The following UBE4B variants were observed in gnomAD, a reference collection of about 807,000 sequenced individuals.
UBE4B encodes the protein ubiquitin conjugation factor E4 B.
Under a neutral mutation model 148.1 loss-of-function variants are expected in UBE4B, and 27 were observed. The observed-to-expected ratio is 0.18, with a 90% CI of 0.13 to 0.25. The LOEUF is 0.25. Ranked by LOEUF, UBE4B falls within the 10% of genes least tolerant of loss-of-function variation. The pLI is 1.00. For missense variants in UBE4B, 1,170 were observed against 1,662.4 expected, an observed-to-expected ratio of 0.70 and a Z score of 5.15; for synonymous variants, 596 against 619.3, an observed-to-expected ratio of 0.96 and a Z score of 0.56.
intron 1 of UBE4B, among the ~76,000 whole-genome samples, chr1:10,050,532 A>G (rs141133286): frequency 7.6e-4 from 116 of 152,300 alleles, no homozygotes; most frequent in African/African-American, 2.3e-3. Flanking sequence ...CCTAACATTA[A>G]CCACACTGCA....
rs925922358 is a variant in UBE4B at position 10,168,750 on chromosome 1, G to A, written c.3333+480G>A. ...TACTAAAAGTACAAAAAATTAGCTG[G>A]GCGTGGTGGTGGGCACCTGTAGTCC... is the stretch of plus-strand genomic sequence containing the variant. On this transcript the variant is annotated intron_variant, in intron 24 of 27. Transcript: ENST00000343090. This position sits in a 1 kb window ranked among gnomAD's most constrained non-coding sequence, Gnocchi z 4.9. 6.6e-6 allele frequency among the ~76,000 whole-genome samples: 1 copy of A among 152,088 alleles called. No homozygotes were observed. The highest frequency in any genetic ancestry group is 2.4e-5 in the African/African-American group (1 of 41,422).
intron 1 of UBE4B, among the ~76,000 whole-genome samples, chr1:10,065,340 G>A (rs566772927): frequency 5.1e-4 from 78 of 152,228 alleles, no homozygotes; most frequent in South Asian, 1.7e-3. Flanking sequence ...GGCAAGTGGC[G>A]GGAGGAGCAT....
rs6697968 is a variant in UBE4B at position 10,079,457 on chromosome 1, A to G, written c.211+7243A>G. Among the ~76,000 whole-genome samples the G allele has an allele frequency of 5.3e-3, 812 of 152,226 alleles. 10 individuals are homozygous for G. Among genetic ancestry groups the G allele is most frequent in the African/African-American group, 0.018 (757 of 41,536 alleles). ...TTACAGGTGTGAGCCACCGCACCCG[A>G]CCTCAAAATTTACTTTTAAATGTGT... is the stretch of plus-strand genomic sequence containing the variant. On this transcript the variant is annotated intron_variant, in intron 2 of 27. Coordinates refer to ENST00000343090, the MANE Select transcript of UBE4B (RefSeq NM_001105562.3).
chr1:10,034,781 A>G (rs1342053332), intron 1 of UBE4B, among the ~76,000 whole-genome samples: 2 of 152,346 alleles, frequency 1.3e-5, no homozygotes, highest in East Asian at 1.9e-4. Flanking sequence ...TAGGACACGC[A>G]GTGGTGTGTT....
intron 14 of UBE4B, 141 bp downstream of exon 14, chr1:10,130,954 A>G (rs1000552578): frequency 3.1e-5 from 21 of 688,428 alleles, no homozygotes; most frequent in African/African-American, 2.3e-4. Context: ...AAGATAAACT[A>G]TAAGTAAGTA....
At chr1:10,103,802 A>C (rs1468359942) in intron 5 of UBE4B, among the ~76,000 whole-genome samples, 1 of 151,724 alleles carries the variant, frequency 6.6e-6, no homozygotes, top group African/African-American at 2.4e-5. Flanking sequence ...TAATTCTTGT[A>C]TTTTTAGTAG....
At chr1:10,083,711 A>C (rs2101852484) in intron 2 of UBE4B, among the ~76,000 whole-genome samples, 1 of 152,266 alleles carries the variant, frequency 6.6e-6, no homozygotes, top group South Asian at 2.1e-4. Context: ...TGAGTTCAGG[A>C]GGCTCCTAGA....
At chr1:10,140,839 T>G (rs1645771887) in intron 17 of UBE4B, among the ~76,000 whole-genome samples, 1 of 152,232 alleles carries the variant, frequency 6.6e-6, no homozygotes, top group Non-Finnish European at 1.5e-5. Flanking sequence ...CACCTTAATT[T>G]TCCAAGCTCT....
In UBE4B at chr1:10,158,495, C is replaced by T; in HGVS notation, c.3053+13C>T. Reference sequence around the variant, plus strand: ...TGGAGGAGTTCAAGTGAGTATGGGGCCCCTCGTGTCACAACTTGCTTTCTT... The same window carrying T: ...TGGAGGAGTTCAAGTGAGTATGGGGTCCCTCGTGTCACAACTTGCTTTCTT... On this transcript the variant is annotated intron_variant, in intron 22 of 27. Transcript: ENST00000343090. 1 of 1,609,118 alleles carries T rather than the reference C, an allele frequency of 6.2e-7. No individual in the cohort carries two copies. Among genetic ancestry groups the T allele is most frequent in the Non-Finnish European group, 8.5e-7 (1 of 1,177,566 alleles).
At chr1:10,069,280 G>T (rs1051285976) in intron 1 of UBE4B, among the ~76,000 whole-genome samples, 4 of 152,164 alleles carry the variant, frequency 2.6e-5, no homozygotes, top group Non-Finnish European at 5.9e-5. Context: ...TTTATGTTCA[G>T]TGCATTTTTC....
Position 10,106,387 on chromosome 1 carries a change from AC to A in UBE4B, c.1001del (p.Thr334MetfsTer61). ...QPSSPRYRPY[T>X]VTHPWASSGV... ...TTCATCCCCGCGGTATCGCCCCTACACTGTCACTCACCCATGGGCGTCCTCA... is the reference window on the plus strand; with the variant it reads ...TTCATCCCCGCGGTATCGCCCCTACATGTCACTCACCCATGGGCGTCCTCA... On this transcript the variant is annotated frameshift_variant, in exon 7 of 28. Coordinates refer to ENST00000343090, the MANE Select transcript of UBE4B (RefSeq NM_001105562.3). LOFTEE classifies it high-confidence loss of function. The surrounding 1 kb of genome is among the most constrained non-coding windows in gnomAD (Gnocchi z 4.2). 1 of 1,613,346 alleles carries A rather than the reference AC, an allele frequency of 6.2e-7. No individual in the cohort carries two copies. Among genetic ancestry groups the A allele is most frequent in the Non-Finnish European group, 8.5e-7 (1 of 1,179,566 alleles).
chr1:10,142,712 G>T (rs1003226771), intron 17 of UBE4B, among the ~76,000 whole-genome samples: 2 of 151,920 alleles, frequency 1.3e-5, no homozygotes, highest in African/African-American at 4.8e-5. Flanking sequence ...AGGCTCTAGG[G>T]GAGAATCTCC....
At chr1:10,109,920 A>G (rs1645191060) in intron 7 of UBE4B, among the ~76,000 whole-genome samples, 1 of 152,020 alleles carries the variant, frequency 6.6e-6, no homozygotes, top group African/African-American at 2.4e-5. Context: ...CAGAGTCTCA[A>G]ACTTCTGACC....
chr1:10,133,846 T>TTGTAGTGAG (rs1645634826), intron 15 of UBE4B, among the ~76,000 whole-genome samples: 1 of 150,866 alleles, frequency 6.6e-6, no homozygotes, highest in Non-Finnish European at 1.5e-5. Context: ...GCCAGGGAGG[T>TTGTAGTGAG]CGAGACCAGC....
intron 21 of UBE4B, among the ~76,000 whole-genome samples, chr1:10,151,925 A>G (rs1487626329): frequency 6.6e-6 from 1 of 152,074 alleles, no homozygotes; most frequent in African/African-American, 2.4e-5. Flanking sequence ...CCTATAACCC[A>G]CTTTCCAAAG....
intron 2 of UBE4B, chr1:10,072,690 T>A: frequency 2.0e-6 from 1 of 512,168 alleles, no homozygotes; most frequent in Non-Finnish European, 3.4e-6. Context: ...AACTATCTCA[T>A]TAAAAAGTAA....
intron 7 of UBE4B, among the ~76,000 whole-genome samples, chr1:10,111,947 ACT>A (rs1258514147): frequency 2.7e-5 from 4 of 150,192 alleles, no homozygotes; most frequent in Non-Finnish European, 5.9e-5. Flanking sequence ...ACACAGCAAG[ACT>A]CTGTCTCAAA....
chr1:10,175,061 A>C (rs1242183994), intron 25 of UBE4B, among the ~76,000 whole-genome samples: 1 of 152,172 alleles, frequency 6.6e-6, no homozygotes, highest in African/African-American at 2.4e-5. Flanking sequence ...CCTCTATACC[A>C]AGAGTAGGCT....
rs552802985 is a variant in UBE4B at position 10,059,587 on chromosome 1, C to G, written c.25-12441C>G. On this transcript the variant is annotated intron_variant, in intron 1 of 27. Transcript: ENST00000343090. ...GAGCTTGAAGCCCATTGAGCTCATG[C>G]AGTTCCCAGGAGACGAAGAGGCTGT... 135 of 210,764 alleles carry G rather than the reference C, an allele frequency of 6.4e-4. 1 individual carries two copies. The highest frequency in any genetic ancestry group is 1.2e-3 in the Non-Finnish European group (122 of 98,962). 13.1% of individuals were successfully genotyped at this position (210,764 alleles called of 1,614,324 possible).
Sources: gnomAD v4.1 joint callset for allele counts (sites outside exome capture counted in the v4.1 genomes callset) on GRCh38, gnomAD v4.1.1 for gene constraint, Gnocchi (gnomAD v3.1) non-coding constraint, MANE v1.5 for transcripts, NCBI Gene and HGNC (gene_info 2026-07-23, HGNC 2026-07-21) for gene names.